Variants in CMSS1 observed in about 807,000 individuals in gnomAD.
The protein encoded by CMSS1 is cms1 ribosomal small subunit homolog, also known as protein CMSS1.
In CMSS1, 33 loss-of-function variants were observed where a neutral mutation model predicts 43.5. That is an observed-to-expected ratio of 0.76 (90% CI 0.57 to 1.01). CMSS1 has a LOEUF of 1.01. Ranked by LOEUF, CMSS1 falls within the 50% of genes least tolerant of loss-of-function variation. CMSS1 has a pLI of 0.00. For synonymous variants in CMSS1, 115 were observed against 117.2 expected (o/e 0.98, Z 0.12); for missense variants, 313 against 326.4 (o/e 0.96, Z 0.32).
At chr3:100,177,729 C>A (rs1401405314) in intron 9 of CMSS1, among the ~76,000 whole-genome samples, 5 of 152,192 alleles carry the variant, frequency 3.3e-5, no homozygotes, top group Non-Finnish European at 5.9e-5. Flanking sequence ...CACCTGTAAT[C>A]CTAGTGCTTT....
At chr3:100,107,752 C>T (rs1337146841) in intron 1 of CMSS1, among the ~76,000 whole-genome samples, 1 of 151,888 alleles carries the variant, frequency 6.6e-6, no homozygotes, top group Non-Finnish European at 1.5e-5. Flanking sequence ...AATAATTTTG[C>T]ACTTTTAGAA....
Position 99,832,766 on chromosome 3 carries a change from C to A in CMSS1, c.64+14723C>A, listed in dbSNP as rs1410400422. On this transcript the variant is annotated intron_variant, in intron 1 of 9. Transcript: ENST00000421999. ...AAGGCAGGAGAATCGCTTGAACCCACGAGGCGGAGGTTGCAGTGAGCCGAG... is the reference window on the plus strand; with the variant it reads ...AAGGCAGGAGAATCGCTTGAACCCAAGAGGCGGAGGTTGCAGTGAGCCGAG... Among the ~76,000 whole-genome samples the A allele has an allele frequency of 2.8e-5, 4 of 143,982 alleles. No individual in the cohort carries two copies. The East Asian group carries it at 8.4e-4, about 30-fold the overall frequency. 94.5% of individuals were successfully genotyped at this position (143,982 alleles called of 152,430 possible).
chr3:99,848,587 G>A (rs765900822), intron 1 of CMSS1: 6 of 1,614,134 alleles, frequency 3.7e-6, no homozygotes, highest in Middle Eastern at 3.3e-4. Flanking sequence ...TCTGAATATC[G>A]CATGCTTGGC....
At chr3:100,092,725 C>T (rs756981546) in intron 1 of CMSS1, among the ~76,000 whole-genome samples, 18 of 149,952 alleles carry the variant, frequency 1.2e-4, no homozygotes, top group Non-Finnish European at 2.4e-4. Flanking sequence ...AAAAAATATT[C>T]ATACTTACTC....
At chr3:100,149,069 C>T (rs566925900) in intron 2 of CMSS1, among the ~76,000 whole-genome samples, 3 of 152,266 alleles carry the variant, frequency 2.0e-5, no homozygotes, top group South Asian at 4.1e-4. Flanking sequence ...CTTACTTGCA[C>T]GTAGTCTTCT....
intron 1 of CMSS1, among the ~76,000 whole-genome samples, chr3:100,145,206 C>T (rs778514363): frequency 9.9e-5 from 15 of 151,964 alleles, no homozygotes; most frequent in Non-Finnish European, 1.5e-4. Context: ...TTTGAGAGGC[C>T]GAGGCAGGCG....
chr3:100,109,412 A>G (rs2066450671), intron 1 of CMSS1, among the ~76,000 whole-genome samples: 2 of 152,144 alleles, frequency 1.3e-5, no homozygotes, highest in Non-Finnish European at 2.9e-5. Context: ...TCATGTAACC[A>G]CCATTATAGT....
At chr3:100,135,438 ATGTGTGTGTGTGTGTGTGTGTGTG>A (rs71132511) in intron 1 of CMSS1, among the ~76,000 whole-genome samples, 3 of 120,734 alleles carry the variant, frequency 2.5e-5, no homozygotes, top group Non-Finnish European at 3.4e-5. Flanking sequence ...GTGTGTGTGC[ATGTGTGTGTGTGTGTGTGTGTGTG>A]TGTGTGTGTG....
chr3:99,980,563 A>G (rs1486187752), intron 1 of CMSS1, among the ~76,000 whole-genome samples: 2 of 152,194 alleles, frequency 1.3e-5, no homozygotes, highest in East Asian at 1.9e-4. Context: ...AAATGAGTTT[A>G]TTACAAACTT....
intron 2 of CMSS1, among the ~76,000 whole-genome samples, chr3:100,158,250 T>G (rs1212213607): frequency 6.6e-6 from 1 of 152,238 alleles, no homozygotes; most frequent in Non-Finnish European, 1.5e-5. Context: ...AAATATGCTC[T>G]AGTTGCTTCC....
intron 1 of CMSS1, among the ~76,000 whole-genome samples, chr3:100,080,323 G>GA (rs36071813): frequency 6.0e-5 from 9 of 150,926 alleles, no homozygotes; most frequent in East Asian, 1.9e-4. Flanking sequence ...CTAAGAGGGG[G>GA]AAAAAAAAAT....
At chr3:100,128,648 C>T (rs943629132) in intron 1 of CMSS1, among the ~76,000 whole-genome samples, 4 of 152,166 alleles carry the variant, frequency 2.6e-5, no homozygotes, top group African/African-American at 9.7e-5. Flanking sequence ...CCCAATCAAA[C>T]CCACCCCACT....
At chr3:100,147,191 C>T (rs546033512) in intron 2 of CMSS1, 130 bp downstream of exon 2, 1 of 1,005,696 alleles carries the variant, frequency 9.9e-7, no homozygotes, top group African/African-American at 1.6e-5. Context: ...ACTTTCTTTC[C>T]CTTTGAAAAG....
chr3:99,939,073 G>A (rs529202933), intron 1 of CMSS1, among the ~76,000 whole-genome samples: 4 of 152,326 alleles, frequency 2.6e-5, no homozygotes, highest in African/African-American at 7.2e-5. Flanking sequence ...GGATTGGAAA[G>A]TGGGGATGTA....
chr3:100,093,517 G>C (rs1212492000), intron 1 of CMSS1, among the ~76,000 whole-genome samples: 1 of 151,932 alleles, frequency 6.6e-6, no homozygotes, highest in African/African-American at 2.4e-5. Context: ...TGATTCACAT[G>C]CATTTGTACG....
intron 1 of CMSS1, among the ~76,000 whole-genome samples, chr3:99,954,710 C>G (rs2107693122): frequency 6.6e-6 from 1 of 152,050 alleles, no homozygotes; most frequent in Non-Finnish European, 1.5e-5. Flanking sequence ...CCTGTAATCC[C>G]AGCTACTCAG....
At chr3:100,001,538 C>CT in intron 1 of CMSS1, among the ~76,000 whole-genome samples, 1 of 152,252 alleles carries the variant, frequency 6.6e-6, no homozygotes, top group Admixed American at 6.5e-5. Flanking sequence ...CTTTAAAACT[C>CT]TATCTGATTG....
intron 1 of CMSS1, among the ~76,000 whole-genome samples, chr3:99,973,799 A>G (rs1439311470): frequency 6.6e-6 from 1 of 152,188 alleles, no homozygotes; most frequent in Non-Finnish European, 1.5e-5. Context: ...GTATCATGTT[A>G]GATGTTAAAT....
At chr3:99,888,941 G>C (rs554059249) in intron 1 of CMSS1, among the ~76,000 whole-genome samples, 2 of 152,138 alleles carry the variant, frequency 1.3e-5, no homozygotes. Context: ...TAGAGGAAGA[G>C]CATCTTTTTT....
Sources: gnomAD v4.1 joint callset for allele counts (sites outside exome capture counted in the v4.1 genomes callset) on GRCh38, gnomAD v4.1.1 for gene constraint, MANE v1.5 for transcripts, NCBI Gene and HGNC (gene_info 2026-07-23, HGNC 2026-07-21) for gene names.